Variants in CDH13 observed in about 807,000 individuals in gnomAD.
The protein encoded by CDH13 is cadherin-13.
CDH13 carries 24 observed loss-of-function variants against 63.8 expected under a neutral mutation model. That is an observed-to-expected ratio of 0.38 (90% CI 0.27 to 0.53). The LOEUF (loss-of-function observed/expected upper bound fraction) is 0.53, where lower values mean the gene tolerates loss of function less well. CDH13 is among the 20% of genes least tolerant of loss of function. The pLI is 0.85. For missense variants in CDH13, 1,049 were observed against 903.1 expected (o/e 1.16, Z -2.07); for synonymous variants, 503 against 355.3 (o/e 1.42, Z -4.67).
At chr16:83,052,672 C>G (rs559631564) in intron 3 of CDH13, among the ~76,000 whole-genome samples, 15 of 148,758 alleles carry the variant, frequency 1.0e-4, no homozygotes, top group Admixed American at 8.9e-4. Context: ...CCCAGCTACT[C>G]GGGAGGCTGA....
intron 3 of CDH13, among the ~76,000 whole-genome samples, chr16:83,111,352 A>G (rs7191965): frequency 0.48 from 72,990 of 151,958 alleles, 18,074 homozygotes; most frequent in Middle Eastern, 0.6. Context: ...ATAAGTGATT[A>G]CACTTAAAGT....
intron 1 of CDH13, among the ~76,000 whole-genome samples, chr16:82,700,573 C>T (rs2030862518): frequency 6.6e-6 from 1 of 151,728 alleles, no homozygotes; most frequent in Non-Finnish European, 1.5e-5. Context: ...GTGTAAATGT[C>T]CATCCCCAGG....
intron 10 of CDH13, among the ~76,000 whole-genome samples, chr16:83,724,409 G>A (rs1411084712): frequency 6.6e-5 from 9 of 137,392 alleles, no homozygotes; most frequent in Admixed American, 5.1e-4. Context: ...GGTGAGTGAT[G>A]AATGCATAGG....
At chr16:83,592,705 G>A (rs1262948305) in intron 7 of CDH13, among the ~76,000 whole-genome samples, 6 of 152,130 alleles carry the variant, frequency 3.9e-5, no homozygotes, top group South Asian at 2.1e-4. Context: ...CAGCTTTGTC[G>A]CAGCCAGTAA....
At chr16:82,928,538 T>A (rs1323895216) in intron 2 of CDH13, among the ~76,000 whole-genome samples, 1 of 152,218 alleles carries the variant, frequency 6.6e-6, no homozygotes, top group African/African-American at 2.4e-5. Flanking sequence ...CTGCCAATCC[T>A]TTGGGCAACA....
At chr16:83,610,106 T>G (rs546607157) in intron 8 of CDH13, among the ~76,000 whole-genome samples, 1 of 152,330 alleles carries the variant, frequency 6.6e-6, no homozygotes, top group South Asian at 2.1e-4. Context: ...CCACATTTTA[T>G]GCATTCATCC....
intron 5 of CDH13, among the ~76,000 whole-genome samples, chr16:83,323,016 C>G (rs1299525071): frequency 6.6e-6 from 1 of 151,876 alleles, no homozygotes; most frequent in South Asian, 2.1e-4. Flanking sequence ...TGATTGGCCC[C>G]CTACCCTGTA....
chr16:83,312,246 C>T (rs978619081), intron 5 of CDH13, among the ~76,000 whole-genome samples: 9 of 152,038 alleles, frequency 5.9e-5, no homozygotes, highest in South Asian at 2.1e-4. Flanking sequence ...CATACAGATG[C>T]GGACCAGCTC....
intron 1 of CDH13, among the ~76,000 whole-genome samples, chr16:82,627,919 A>G (rs529440332): frequency 3.3e-5 from 5 of 152,348 alleles, no homozygotes; most frequent in Non-Finnish European, 7.3e-5. Flanking sequence ...AGCGGAGCGC[A>G]GAGAAAAGTT....
chr16:82,820,389 A>ATAAAGGGT (rs1187190324), intron 1 of CDH13, among the ~76,000 whole-genome samples: 2 of 152,214 alleles, frequency 1.3e-5, no homozygotes, highest in Admixed American at 6.5e-5. Flanking sequence ...AGCACATTTA[A>ATAAAGGGT]TCCTTACAAC....
At chr16:82,890,715 G>T (rs1369938917) in intron 2 of CDH13, among the ~76,000 whole-genome samples, 1 of 146,748 alleles carries the variant, frequency 6.8e-6, no homozygotes, top group Admixed American at 7.0e-5. Flanking sequence ...GCAATGGCAT[G>T]ATCTTGGCTC....
chr16:82,676,339 T>G (rs1913895452), intron 1 of CDH13, among the ~76,000 whole-genome samples: 1 of 152,146 alleles, frequency 6.6e-6, no homozygotes, highest in Non-Finnish European at 1.5e-5. Context: ...CCTACCTCAT[T>G]CTGTGGCACC....
At chr16:83,546,085 T>C (rs1407860809) in intron 7 of CDH13, among the ~76,000 whole-genome samples, 3 of 152,184 alleles carry the variant, frequency 2.0e-5, no homozygotes, top group Non-Finnish European at 2.9e-5. Flanking sequence ...AAGAGTGAAA[T>C]TGGCAGAGTG....
At chr16:83,478,515 C>T (rs1034383865) in intron 6 of CDH13, among the ~76,000 whole-genome samples, 2 of 152,180 alleles carry the variant, frequency 1.3e-5, no homozygotes, top group Admixed American at 6.5e-5. Flanking sequence ...AAATGCACAG[C>T]TGGACCACCA....
chr16:83,436,424 C>T (rs748854515), intron 6 of CDH13, among the ~76,000 whole-genome samples: 8 of 151,856 alleles, frequency 5.3e-5, no homozygotes, highest in Non-Finnish European at 8.8e-5. Context: ...TGAGTTATGA[C>T]GGTACCAGTG....
intron 7 of CDH13, among the ~76,000 whole-genome samples, chr16:83,540,350 C>A (rs181047125): frequency 6.6e-5 from 10 of 152,156 alleles, no homozygotes; most frequent in Non-Finnish European, 1.3e-4. Flanking sequence ...AAGACAGTCA[C>A]CCCCGATGCG....
At chr16:83,495,340 G>A (rs1038817124) in intron 7 of CDH13, among the ~76,000 whole-genome samples, 19 of 152,266 alleles carry the variant, frequency 1.2e-4, no homozygotes, top group African/African-American at 3.1e-4. Flanking sequence ...TTGGCAATTG[G>A]TTGAAAGAGT....
At chr16:83,437,107 G>A (rs2072328294) in intron 6 of CDH13, among the ~76,000 whole-genome samples, 1 of 152,068 alleles carries the variant, frequency 6.6e-6, no homozygotes, top group East Asian at 1.9e-4. Context: ...GTAGGCTGGA[G>A]TTCTTATGGA....
intron 4 of CDH13, among the ~76,000 whole-genome samples, chr16:83,209,299 C>T (rs1214693128): frequency 1.3e-5 from 2 of 152,138 alleles, no homozygotes; most frequent in African/African-American, 4.8e-5. Flanking sequence ...ATGGGACAGG[C>T]CAGGGGTTCA....
Sources: allele counts gnomAD v4.1 joint callset (sites outside exome capture counted in the v4.1 genomes callset), GRCh38; gene constraint gnomAD v4.1.1; transcripts MANE v1.5; gene names NCBI Gene and HGNC (gene_info 2026-07-23, HGNC 2026-07-21).